Variants in AGBL4 observed in about 807,000 individuals in gnomAD.
The protein encoded by AGBL4 is cytosolic carboxypeptidase 6.
Under a neutral mutation model 66.4 loss-of-function variants are expected in AGBL4, and 58 were observed. The ratio of observed to expected loss-of-function variants is 0.87; its 90% CI spans 0.71 to 1.09. AGBL4 has a LOEUF of 1.09. AGBL4 is among the 50% of genes least tolerant of loss of function. The pLI is 0.00. For synonymous variants in AGBL4, 234 were observed against 222.9 expected (o/e 1.05, Z -0.44); for missense variants, 579 against 631.0 (o/e 0.92, Z 0.88).
intron 3 of AGBL4, among the ~76,000 whole-genome samples, chr1:49,633,850 T>C (rs1256140960): frequency 6.8e-6 from 1 of 147,284 alleles, no homozygotes; most frequent in Non-Finnish European, 1.5e-5. Context: ...TATTATATAA[T>C]ATAGTTACAT....
intron 3 of AGBL4, among the ~76,000 whole-genome samples, chr1:49,693,279 T>A (rs991534493): frequency 6.6e-6 from 1 of 152,202 alleles, no homozygotes; most frequent in African/African-American, 2.4e-5. Context: ...CATAGGAATT[T>A]ATCCTAAGGA....
At chr1:49,218,443 A>G (rs1295940189) in intron 4 of AGBL4, among the ~76,000 whole-genome samples, 3 of 152,164 alleles carry the variant, frequency 2.0e-5, no homozygotes, top group Admixed American at 2.0e-4. Flanking sequence ...AGAGTAGTGA[A>G]TGTAAGACTG....
At chr1:49,144,931 G>A (rs1462624557) in intron 4 of AGBL4, among the ~76,000 whole-genome samples, 1 of 152,132 alleles carries the variant, frequency 6.6e-6, no homozygotes, top group Non-Finnish European at 1.5e-5. Context: ...ACATTATTGG[G>A]AAGCCTAAGG....
intron 7 of AGBL4, among the ~76,000 whole-genome samples, chr1:48,656,727 A>G (rs1046493672): frequency 6.6e-5 from 10 of 152,320 alleles, no homozygotes; most frequent in African/African-American, 2.4e-4. Context: ...ACAGAAACAG[A>G]AAACCAAATA....
intron 4 of AGBL4, among the ~76,000 whole-genome samples, chr1:49,085,824 C>T (rs2147967552): frequency 6.6e-6 from 1 of 152,274 alleles, no homozygotes; most frequent in Admixed American, 6.5e-5. Context: ...CTGTTTCCCC[C>T]TACCACACTT....
chr1:49,711,614 G>A (rs1235210150), intron 2 of AGBL4, among the ~76,000 whole-genome samples: 1 of 151,994 alleles, frequency 6.6e-6, no homozygotes. Flanking sequence ...TCTTGCAGGC[G>A]CTGGATATAT....
intron 2 of AGBL4, among the ~76,000 whole-genome samples, chr1:49,772,834 G>C (rs778812098): frequency 5.1e-4 from 77 of 152,116 alleles, no homozygotes; most frequent in Non-Finnish European, 7.2e-4. Context: ...TTTTTTTATT[G>C]ATTCTTACTA....
chr1:48,873,751 C>A (rs898422340), intron 5 of AGBL4, among the ~76,000 whole-genome samples: 1 of 152,106 alleles, frequency 6.6e-6, no homozygotes, highest in African/African-American at 2.4e-5. Context: ...TCATGCACTA[C>A]CCCCATAATT....
intron 4 of AGBL4, among the ~76,000 whole-genome samples, chr1:49,109,595 T>C (rs1645365163): frequency 6.6e-6 from 1 of 152,204 alleles, no homozygotes; most frequent in African/African-American, 2.4e-5. Flanking sequence ...AGTAGAGTGC[T>C]TGGCACATAA....
At chr1:49,639,720 G>T (rs372361439) in intron 3 of AGBL4, among the ~76,000 whole-genome samples, 3 of 152,278 alleles carry the variant, frequency 2.0e-5, no homozygotes, top group African/African-American at 7.2e-5. Context: ...GAGAACAGGG[G>T]AGCAAATATG....
chr1:49,878,475 T>C (rs1647098742), intron 1 of AGBL4, among the ~76,000 whole-genome samples: 1 of 151,948 alleles, frequency 6.6e-6, no homozygotes, highest in South Asian at 2.1e-4. Flanking sequence ...CAGCTTTGAG[T>C]GAGATTCTTA....
At chr1:49,042,335 T>C (rs1334357562) in intron 5 of AGBL4, among the ~76,000 whole-genome samples, 1 of 152,152 alleles carries the variant, frequency 6.6e-6, no homozygotes, top group Non-Finnish European at 1.5e-5. Context: ...TTCAAGGTAA[T>C]ACAAGTAGTT....
At chr1:49,732,509 A>G (rs529942025) in intron 2 of AGBL4, among the ~76,000 whole-genome samples, 20 of 152,324 alleles carry the variant, frequency 1.3e-4, no homozygotes, top group African/African-American at 4.8e-4. Context: ...CATCTGTAAG[A>G]AAACTATGTT....
intron 3 of AGBL4, among the ~76,000 whole-genome samples, chr1:49,394,733 A>C (rs542769465): frequency 9.2e-5 from 14 of 152,290 alleles, no homozygotes; most frequent in Admixed American, 7.8e-4. Flanking sequence ...CATTGCTTAA[A>C]ATTCACTAGG....
chr1:49,925,013 A>G (rs1045543799), intron 1 of AGBL4, among the ~76,000 whole-genome samples: 1 of 152,184 alleles, frequency 6.6e-6, no homozygotes, highest in Non-Finnish European at 1.5e-5. Flanking sequence ...AAATGGGAAG[A>G]AGAGGAGCCA....
intron 3 of AGBL4, among the ~76,000 whole-genome samples, chr1:49,501,619 T>G (rs377187615): frequency 1.2e-4 from 19 of 152,198 alleles, no homozygotes; most frequent in East Asian, 5.8e-4. Flanking sequence ...GATTTATTAT[T>G]TTTTCTAGTC....
At chr1:48,705,389 T>C (rs552555566) in intron 6 of AGBL4, among the ~76,000 whole-genome samples, 43 of 152,352 alleles carry the variant, frequency 2.8e-4, no homozygotes, top group Middle Eastern at 3.4e-3. Context: ...CATTAAATTA[T>C]GTGCAACTTA....
intron 3 of AGBL4, among the ~76,000 whole-genome samples, chr1:49,318,769 G>C (rs1176441332): frequency 6.6e-6 from 1 of 152,022 alleles, no homozygotes; most frequent in Non-Finnish European, 1.5e-5. Flanking sequence ...CTAGACTATA[G>C]GGCCACTCTC....
intron 2 of AGBL4, among the ~76,000 whole-genome samples, chr1:49,785,916 A>ATATT (rs1491526046): frequency 7.1e-6 from 1 of 140,778 alleles, no homozygotes; most frequent in Non-Finnish European, 1.6e-5. Context: ...ATATATATAT[A>ATATT]TTTCCTGAGG....
Sources: allele counts gnomAD v4.1 joint callset (sites outside exome capture counted in the v4.1 genomes callset), GRCh38; gene constraint gnomAD v4.1.1; transcripts MANE v1.5; gene names NCBI Gene and HGNC (gene_info 2026-07-23, HGNC 2026-07-21).